PDIA5: variants seen among roughly 807,000 people sequenced by gnomAD.
The protein encoded by PDIA5 is protein disulfide-isomerase A5.
PDIA5 carries 58 observed loss-of-function variants against 77.6 expected under a neutral mutation model. The ratio of observed to expected loss-of-function variants is 0.75; its 90% CI spans 0.61 to 0.93. The LOEUF (loss-of-function observed/expected upper bound fraction) is 0.93, where lower values mean the gene tolerates loss of function less well. PDIA5 is among the 40% of genes least tolerant of loss of function. The probability of loss-of-function intolerance (pLI) is 0.00; values close to 1 mark genes in which losing one functional copy is unlikely to be tolerated. For synonymous variants in PDIA5, 250 were observed against 252.1 expected, an observed-to-expected ratio of 0.99 and a Z score of 0.08; for missense variants, 630 against 647.7, an observed-to-expected ratio of 0.97 and a Z score of 0.30.
rs116839072 is a variant in PDIA5, at chr3:123,129,519, A to G, written c.774-961A>G. ...GGAACTTTAAAATATTTCCTCCTGT[A>G]GGCTCTCAAAAGTGCGACACAATGG... On this transcript the variant is annotated intron_variant, in intron 10 of 16. Coordinates refer to ENST00000316218, the MANE Select transcript of PDIA5 (RefSeq NM_006810.4). Among the ~76,000 whole-genome samples, 617 of 152,264 alleles carry G rather than the reference A, an allele frequency of 4.1e-3. 4 individuals are homozygous for G. Among genetic ancestry groups the G allele is most frequent in the African/African-American group, 0.014 (590 of 41,540 alleles).
intron 1 of PDIA5, among the ~76,000 whole-genome samples, chr3:123,087,345 CT>C (rs142381326): frequency 3.5e-4 from 52 of 148,628 alleles, no homozygotes; most frequent in Admixed American, 1.1e-3. Context: ...TGATTTTCCT[CT>C]TTTTTTTTTC....
chr3:123,133,695 A>G (rs1935424356), intron 11 of PDIA5, among the ~76,000 whole-genome samples: 2 of 152,230 alleles, frequency 1.3e-5, no homozygotes, highest in African/African-American at 2.4e-5. Context: ...ATAAAAAGGC[A>G]TACTTTCACA....
chr3:123,114,038 T>G (rs1934934762), intron 7 of PDIA5, among the ~76,000 whole-genome samples: 1 of 152,174 alleles, frequency 6.6e-6, no homozygotes, highest in Non-Finnish European at 1.5e-5. Context: ...CTACTCCTCC[T>G]GCATCACCTC....
chr3:123,093,912 C>T (rs959916972), intron 3 of PDIA5, among the ~76,000 whole-genome samples: 10 of 152,318 alleles, frequency 6.6e-5, no homozygotes, highest in African/African-American at 1.9e-4. Flanking sequence ...ATGGAGTGGG[C>T]CCCCAGAACT....
intron 3 of PDIA5, among the ~76,000 whole-genome samples, chr3:123,100,096 G>A (rs1268400976): frequency 1.3e-5 from 2 of 152,252 alleles, no homozygotes; most frequent in Non-Finnish European, 2.9e-5. Context: ...TTGGGTGGAC[G>A]GTAGGTGGTC....
chr3:123,135,210 G>A (rs9858381), intron 11 of PDIA5, among the ~76,000 whole-genome samples: 17,768 of 152,118 alleles, frequency 0.12, 1,078 homozygotes, highest in Non-Finnish European at 0.13. Flanking sequence ...GTAACTTCAG[G>A]TCTGCATTAG....
In PDIA5 at chr3:123,089,295, G is replaced by T; in HGVS notation, c.169+1G>T. ...GTACTGGTGCTTTACTCCAAATCTG[G>T]TGAGTGTCCCTTCCTGGCCTTGAGG... On this transcript the variant is annotated splice_donor_variant, in intron 2 of 16. Coordinates refer to ENST00000316218, the MANE Select transcript of PDIA5 (RefSeq NM_006810.4). LOFTEE classifies it high-confidence loss of function. The T allele has an allele frequency of 2.5e-6, 4 of 1,614,068 alleles. No individual in the cohort carries two copies. The highest frequency in any genetic ancestry group is 3.4e-6 in the Non-Finnish European group (4 of 1,179,940).
At chr3:123,095,876 C>T (rs1934423394) in intron 3 of PDIA5, among the ~76,000 whole-genome samples, 1 of 152,038 alleles carries the variant, frequency 6.6e-6, no homozygotes, top group South Asian at 2.1e-4. Flanking sequence ...AAGTCACTGC[C>T]CTTCTCTGGG....
Position 123,134,360 on chromosome 3 carries a change from C to G in PDIA5, c.910+3744C>G, listed in dbSNP as rs899820488. Among the ~76,000 whole-genome samples the G allele has an allele frequency of 2.4e-4, 37 of 152,108 alleles. 2 individuals carry two copies. Among genetic ancestry groups the G allele is most frequent in the Non-Finnish European group, 1.5e-5 (1 of 68,010 alleles). On this transcript the variant is annotated intron_variant, in intron 11 of 16. Coordinates refer to ENST00000316218, the MANE Select transcript of PDIA5 (RefSeq NM_006810.4). ...CAGCTTTCCTCTGACCTGTGCCACC[C>G]CAGGGGGGTGCTCTCTGGCACCTGT...
intron 14 of PDIA5, among the ~76,000 whole-genome samples, chr3:123,151,628 C>T (rs951205389): frequency 7.2e-5 from 11 of 152,226 alleles, no homozygotes; most frequent in Admixed American, 2.0e-4. Context: ...ATAAGCCCCC[C>T]GCCACCCTGA....
intron 8 of PDIA5, among the ~76,000 whole-genome samples, chr3:123,117,089 T>C (rs1450718039): frequency 6.6e-6 from 1 of 152,058 alleles, no homozygotes; most frequent in Non-Finnish European, 1.5e-5. Context: ...AAATGCTCCC[T>C]GGTACCTCTG....
chr3:123,072,854 G>A (rs902960996), intron 1 of PDIA5, among the ~76,000 whole-genome samples: 1 of 151,968 alleles, frequency 6.6e-6, no homozygotes, highest in Admixed American at 6.6e-5. Context: ...AAGGAGAGGC[G>A]GAGGTTCTTC....
chr3:123,155,384 A>G (rs912842964), intron 15 of PDIA5, among the ~76,000 whole-genome samples: 1 of 152,240 alleles, frequency 6.6e-6, no homozygotes, highest in African/African-American at 2.4e-5. Context: ...TAAAAATCCA[A>G]CAAAAGTCAA....
In PDIA5 at chr3:123,146,260, G is replaced by C; in HGVS notation, c.1142+1G>C. On this transcript the variant is annotated splice_donor_variant, in intron 13 of 16. Transcript: ENST00000316218. LOFTEE classifies it high-confidence loss of function. ...AGAAGTTTCTCGAGTGGATGCAAAA[G>C]TAAGTGTTACGATCTCAGTAGCACA... The C allele has an allele frequency of 6.2e-7, 1 of 1,613,574 alleles. No homozygotes were observed. The highest frequency in any genetic ancestry group is 1.1e-5 in the South Asian group (1 of 90,964).
intron 1 of PDIA5, among the ~76,000 whole-genome samples, chr3:123,070,633 G>A (rs1410594989): frequency 6.6e-6 from 1 of 152,124 alleles, no homozygotes; most frequent in Non-Finnish European, 1.5e-5. Context: ...ACAGGGGCAG[G>A]AGGTAGCCCT....
At chr3:123,147,477 A>T (rs1355171461) in intron 13 of PDIA5, among the ~76,000 whole-genome samples, 2 of 152,166 alleles carry the variant, frequency 1.3e-5, no homozygotes, top group Non-Finnish European at 2.9e-5. Flanking sequence ...GTTTATTTAA[A>T]GCATAGACTC....
chr3:123,159,454 A>G (rs555135152), intron 15 of PDIA5, among the ~76,000 whole-genome samples: 1 of 152,204 alleles, frequency 6.6e-6, no homozygotes, highest in Non-Finnish European at 1.5e-5. Context: ...TGGGGAAGGT[A>G]TGTTTAGCCT....
intron 3 of PDIA5, among the ~76,000 whole-genome samples, chr3:123,100,054 G>T (rs1303128607): frequency 2.0e-5 from 3 of 152,248 alleles, no homozygotes; most frequent in Non-Finnish European, 2.9e-5. Context: ...CCCAGCCTTG[G>T]CCCCTGCCCC....
At chr3:123,074,623 G>A (rs1470548022) in intron 1 of PDIA5, among the ~76,000 whole-genome samples, 1 of 152,154 alleles carries the variant, frequency 6.6e-6, no homozygotes, top group East Asian at 1.9e-4. Flanking sequence ...AGTGTTTCAG[G>A]ATATCTTGTA....
Sources: gnomAD v4.1 joint callset for allele counts (sites outside exome capture counted in the v4.1 genomes callset) on GRCh38, gnomAD v4.1.1 for gene constraint, MANE v1.5 for transcripts, NCBI Gene and HGNC (gene_info 2026-07-23, HGNC 2026-07-21) for gene names.